MEGF11: variants seen among roughly 807,000 people sequenced by gnomAD.
MEGF11 encodes the protein multiple epidermal growth factor-like domains protein 11.
MEGF11 carries 126 observed loss-of-function variants against 146.6 expected under a neutral mutation model. The ratio of observed to expected loss-of-function variants is 0.86; its 90% CI spans 0.74 to 1.00. The LOEUF is 1.00. Among genes scored for constraint, MEGF11 ranks in the 50% least tolerant of loss-of-function variants. The pLI is 0.00. For missense variants in MEGF11, 1,509 were observed against 1,521.2 expected (o/e 0.99, Z 0.13); for synonymous variants, 532 against 583.4 (o/e 0.91, Z 1.27).
At chr15:66,042,256 C>T (rs971714461) in intron 5 of MEGF11, among the ~76,000 whole-genome samples, 8 of 151,958 alleles carry the variant, frequency 5.3e-5, no homozygotes, top group Admixed American at 1.3e-4. Context: ...ATTATTGACG[C>T]GCACCACCAC....
chr15:66,128,660 G>C (rs1339154815), intron 1 of MEGF11, among the ~76,000 whole-genome samples: 1 of 152,156 alleles, frequency 6.6e-6, no homozygotes, highest in Non-Finnish European at 1.5e-5. Context: ...CCAGTGAAAG[G>C]TATAGATGTT....
At chr15:66,235,954 C>A (rs1217382061) in intron 1 of MEGF11, among the ~76,000 whole-genome samples, 1 of 152,164 alleles carries the variant, frequency 6.6e-6, no homozygotes, top group Non-Finnish European at 1.5e-5. Flanking sequence ...AGTCCCTCCT[C>A]CTGAGGCTCT....
chr15:66,160,241 C>CA (rs1567267935), intron 1 of MEGF11, among the ~76,000 whole-genome samples: 2 of 124,738 alleles, frequency 1.6e-5, no homozygotes, highest in African/African-American at 3.3e-5. Flanking sequence ...CAAGGAAAAG[C>CA]CCTCTCTCTC....
chr15:66,158,047 C>A (rs2089825968), intron 1 of MEGF11, among the ~76,000 whole-genome samples: 1 of 152,162 alleles, frequency 6.6e-6, no homozygotes, highest in Non-Finnish European at 1.5e-5. Context: ...TAGCTTTTCC[C>A]ATTTGTCGGA....
intron 5 of MEGF11, among the ~76,000 whole-genome samples, chr15:66,031,155 AT>A (rs2083501998): frequency 6.6e-6 from 1 of 152,174 alleles, no homozygotes; most frequent in Non-Finnish European, 1.5e-5. Context: ...GCCTCTTTTG[AT>A]GGGGTCTGTC....
chr15:66,235,155 G>T lies in MEGF11; in HGVS notation c.-9+18450C>A, dbSNP rs77281054. On this transcript the variant is annotated intron_variant, in intron 1 of 25. Transcript: ENST00000395614. ...TTACACATGGCGGAGGGCGGGGAAGGTGCAGAGAATCAAGTTAGGGACAAA... is the reference window on the plus strand; with the variant it reads ...TTACACATGGCGGAGGGCGGGGAAGTTGCAGAGAATCAAGTTAGGGACAAA... 4.1e-3 allele frequency among the ~76,000 whole-genome samples: 617 copies of T among 152,286 alleles called. 17 individuals carry two copies. The East Asian group carries it at 0.08, about 20-fold the overall frequency.
intron 5 of MEGF11, among the ~76,000 whole-genome samples, chr15:66,058,312 G>T (rs1025169512): frequency 6.6e-6 from 1 of 152,154 alleles, no homozygotes; most frequent in African/African-American, 2.4e-5. Context: ...GCCTTAAAAT[G>T]TTTTAACTAC....
intron 1 of MEGF11, among the ~76,000 whole-genome samples, chr15:66,249,646 C>T (rs1481264036): frequency 6.6e-6 from 1 of 152,174 alleles, no homozygotes; most frequent in Non-Finnish European, 1.5e-5. Context: ...TCGTTCCAGG[C>T]TTCCCCATCT....
intron 1 of MEGF11, among the ~76,000 whole-genome samples, chr15:66,189,647 C>A (rs2090816284): frequency 6.6e-6 from 1 of 152,164 alleles, no homozygotes; most frequent in Non-Finnish European, 1.5e-5. Flanking sequence ...TGCTTCCCTG[C>A]TGAGTGATCT....
chr15:66,079,166 G>T (rs111266288), intron 5 of MEGF11, among the ~76,000 whole-genome samples: 1 of 152,124 alleles, frequency 6.6e-6, no homozygotes, highest in Non-Finnish European at 1.5e-5. Flanking sequence ...GCCCCACACC[G>T]CCTCCTGCCC....
intron 1 of MEGF11, among the ~76,000 whole-genome samples, chr15:66,192,201 C>T (rs1402455674): frequency 1.3e-5 from 2 of 152,086 alleles, no homozygotes; most frequent in Non-Finnish European, 2.9e-5. Flanking sequence ...GGCACAGTGG[C>T]TCACACCTGT....
At chr15:65,990,312 A>G (rs977162009) in intron 5 of MEGF11, among the ~76,000 whole-genome samples, 6 of 152,226 alleles carry the variant, frequency 3.9e-5, no homozygotes, top group African/African-American at 1.4e-4. Context: ...ACACTTTGAA[A>G]GGCTGAGGCA....
At chr15:65,941,970 C>G (rs62014448) in intron 10 of MEGF11, among the ~76,000 whole-genome samples, 4,309 of 152,166 alleles carry the variant, frequency 0.028, 98 homozygotes, top group Non-Finnish European at 0.039. Flanking sequence ...CCCTTGGTGA[C>G]AGGCTTGTGC....
chr15:66,001,225 A>T (rs2082356512), intron 5 of MEGF11, among the ~76,000 whole-genome samples: 1 of 152,052 alleles, frequency 6.6e-6, no homozygotes, highest in Non-Finnish European at 1.5e-5. Flanking sequence ...GTCCCCCCAC[A>T]CATCCACACG....
chr15:65,965,602 T>TTCTC (rs143389411), intron 8 of MEGF11, among the ~76,000 whole-genome samples: 5 of 32,202 alleles, frequency 1.6e-4, no homozygotes, highest in Non-Finnish European at 3.8e-4. Flanking sequence ...CTTTCTTTCT[T>TTCTC]TTTTTTTTTT....
At chr15:66,232,996 A>G (rs2092000430) in intron 1 of MEGF11, among the ~76,000 whole-genome samples, 1 of 152,202 alleles carries the variant, frequency 6.6e-6, no homozygotes, top group African/African-American at 2.4e-5. Context: ...GGCTATGACA[A>G]TAACAACACC....
chr15:66,188,976 G>A (rs1156702079), intron 1 of MEGF11, among the ~76,000 whole-genome samples: 2 of 152,248 alleles, frequency 1.3e-5, no homozygotes, highest in South Asian at 2.1e-4. Flanking sequence ...ATTCTGAGTG[G>A]AGCTGGCTAG....
intron 1 of MEGF11, among the ~76,000 whole-genome samples, chr15:66,190,864 T>G (rs971085091): frequency 3.3e-5 from 5 of 152,174 alleles, no homozygotes; most frequent in Admixed American, 3.3e-4. Context: ...TTTGCTTGTT[T>G]CAGTTCAAAA....
At chr15:66,123,045 A>G (rs955433439) in intron 3 of MEGF11, among the ~76,000 whole-genome samples, 2 of 152,152 alleles carry the variant, frequency 1.3e-5, no homozygotes, top group African/African-American at 4.8e-5. Flanking sequence ...GGCCTCCCAA[A>G]GTGCTGGGAT....
Sources: gnomAD v4.1 joint callset for allele counts (sites outside exome capture counted in the v4.1 genomes callset) on GRCh38, gnomAD v4.1.1 for gene constraint, MANE v1.5 for transcripts, NCBI Gene and HGNC (gene_info 2026-07-23, HGNC 2026-07-21) for gene names.